The following TSHZ2 variants were observed in gnomAD, a reference collection of about 807,000 sequenced individuals.
The protein encoded by TSHZ2 is teashirt homolog 2.
Under a neutral mutation model 74.4 loss-of-function variants are expected in TSHZ2, and 21 were observed. The ratio of observed to expected loss-of-function variants is 0.28; its 90% CI spans 0.20 to 0.41. The LOEUF (loss-of-function observed/expected upper bound fraction) is 0.41, where lower values mean the gene tolerates loss of function less well. TSHZ2 is among the 10% of genes least tolerant of loss of function. The probability of loss-of-function intolerance (pLI) is 1.00; values close to 1 mark genes in which losing one functional copy is unlikely to be tolerated. For synonymous variants in TSHZ2, 540 were observed against 515.3 expected, an observed-to-expected ratio of 1.05 and a Z score of -0.65; for missense variants, 1,244 against 1,293.5, an observed-to-expected ratio of 0.96 and a Z score of 0.59.
At chr20:53,148,322 G>A (rs988344723) in intron 1 of TSHZ2, among the ~76,000 whole-genome samples, 1 of 152,090 alleles carries the variant, frequency 6.6e-6, no homozygotes, top group East Asian at 1.9e-4. Context: ...ACTAGGGTGG[G>A]GAAGCTGTTA....
At chr20:53,372,662 C>T (rs1176681918) in intron 2 of TSHZ2, among the ~76,000 whole-genome samples, 1 of 152,200 alleles carries the variant, frequency 6.6e-6, no homozygotes, top group Non-Finnish European at 1.5e-5. Flanking sequence ...CCTTTCCATT[C>T]AGCCATTTTC....
chr20:53,373,982 A>G (rs1394337344), intron 2 of TSHZ2, among the ~76,000 whole-genome samples: 2 of 152,186 alleles, frequency 1.3e-5, no homozygotes, highest in African/African-American at 4.8e-5. Flanking sequence ...ACAAAAACCT[A>G]TTTATTTTAA....
intron 2 of TSHZ2, among the ~76,000 whole-genome samples, chr20:53,306,621 C>T (rs1286121873): frequency 5.3e-5 from 8 of 152,252 alleles, no homozygotes; most frequent in South Asian, 2.1e-4. Context: ...AATGATTTGC[C>T]GACATGGGGA....
chr20:53,029,119 G>T (rs1983547724), intron 1 of TSHZ2, among the ~76,000 whole-genome samples: 2 of 152,244 alleles, frequency 1.3e-5, no homozygotes, highest in South Asian at 4.2e-4. Context: ...ATAGAACATT[G>T]TAAGTATTGT....
intron 1 of TSHZ2, among the ~76,000 whole-genome samples, chr20:52,993,723 A>T (rs1437637567): frequency 1.3e-5 from 2 of 152,242 alleles, no homozygotes; most frequent in African/African-American, 4.8e-5. Flanking sequence ...TATTGAAAGA[A>T]AAAAATAATA....
At position 53,255,368 on chromosome 20, in the gene TSHZ2, G is replaced by A. The variant is rs1246360309; in HGVS notation, c.1910G>A (p.Ser637Asn). Residue 637 changes from serine (S) to asparagine (N), a missense_variant, in exon 2 of 3, where the codon AGT becomes AAT. Ser to Asn is a conservative substitution (Grantham distance 46, BLOSUM62 1). This residue lies in a region of TSHZ2 where 562 missense variants were observed against 544.0 expected (regional missense o/e 1.03). Transcript: ENST00000371497. This position sits in a 1 kb window ranked among gnomAD's most constrained non-coding sequence, Gnocchi z 4.1. ...SHSEGDSFRK[S>N]ETPPEAKKTE... ...AGTGAGGGCGATTCTTTCCGCAAAA[G>A]TGAAACACCTCCAGAAGCCAAAAAG... is the stretch of plus-strand genomic sequence containing the variant. 4.3e-6 allele frequency: 7 copies of A among 1,613,960 alleles called. No individual in the cohort carries two copies. Among genetic ancestry groups the A allele is most frequent in the Non-Finnish European group, 4.2e-6 (5 of 1,180,014 alleles).
intron 1 of TSHZ2, among the ~76,000 whole-genome samples, chr20:53,145,761 C>T (rs190564271): frequency 6.6e-6 from 1 of 152,160 alleles, no homozygotes; most frequent in Non-Finnish European, 1.5e-5. Flanking sequence ...TGCCCTTAAC[C>T]AGAGAAGCAC....
At chr20:53,213,977 T>C (rs566676933) in intron 1 of TSHZ2, among the ~76,000 whole-genome samples, 6 of 152,150 alleles carry the variant, frequency 3.9e-5, no homozygotes, top group Non-Finnish European at 5.9e-5. Flanking sequence ...TACAATATAG[T>C]AGTAGGTGCT....
At chr20:53,361,366 A>G (rs919428462) in intron 2 of TSHZ2, among the ~76,000 whole-genome samples, 15 of 152,228 alleles carry the variant, frequency 9.9e-5, no homozygotes, top group Admixed American at 5.2e-4. Flanking sequence ...GTGATAAATG[A>G]TAGCTCCTCT....
chr20:53,160,521 C>T (rs1987904679), intron 1 of TSHZ2, among the ~76,000 whole-genome samples: 3 of 152,042 alleles, frequency 2.0e-5, no homozygotes, highest in Non-Finnish European at 4.4e-5. Flanking sequence ...GTAATTCCAG[C>T]ACTTTGGGAG....
At chr20:53,111,945 G>T (rs939389607) in intron 1 of TSHZ2, among the ~76,000 whole-genome samples, 13 of 152,130 alleles carry the variant, frequency 8.5e-5, no homozygotes, top group Admixed American at 3.3e-4. Context: ...ACCATGCCTT[G>T]GTGCTGCCAC....
At chr20:53,221,268 A>G (rs1212020321) in intron 1 of TSHZ2, among the ~76,000 whole-genome samples, 3 of 152,148 alleles carry the variant, frequency 2.0e-5, no homozygotes, top group East Asian at 1.9e-4. Flanking sequence ...TCCTTCCTTT[A>G]TAAATTACCC....
At chr20:53,188,535 T>C (rs535589977) in intron 1 of TSHZ2, among the ~76,000 whole-genome samples, 3 of 152,180 alleles carry the variant, frequency 2.0e-5, no homozygotes, top group Non-Finnish European at 2.9e-5. Flanking sequence ...ATTAATGAAA[T>C]GCACTTGCTA....
intron 2 of TSHZ2, among the ~76,000 whole-genome samples, chr20:53,439,663 C>T (rs771553413): frequency 1.3e-5 from 2 of 152,046 alleles, no homozygotes; most frequent in Non-Finnish European, 2.9e-5. Flanking sequence ...TCTAATTATA[C>T]GTGCAAGATC....
intron 1 of TSHZ2, among the ~76,000 whole-genome samples, chr20:53,111,503 A>G (rs1568764451): frequency 6.6e-6 from 1 of 152,184 alleles, no homozygotes; most frequent in African/African-American, 2.4e-5. Flanking sequence ...TGACAGAGAG[A>G]AAGAAGATAT....
intron 1 of TSHZ2, among the ~76,000 whole-genome samples, chr20:53,125,994 G>T (rs1445930537): frequency 6.6e-6 from 1 of 151,500 alleles, no homozygotes; most frequent in African/African-American, 2.5e-5. Flanking sequence ...CTTAAAAGTT[G>T]GTAAAAATAA....
chr20:53,127,079 A>T (rs1986968203), intron 1 of TSHZ2, among the ~76,000 whole-genome samples: 1 of 152,178 alleles, frequency 6.6e-6, no homozygotes, highest in African/African-American at 2.4e-5. Context: ...GAGAAGAGAG[A>T]GCGAATGAAT....
At chr20:53,167,044 A>C (rs1054970594) in intron 1 of TSHZ2, among the ~76,000 whole-genome samples, 3 of 152,218 alleles carry the variant, frequency 2.0e-5, no homozygotes, top group African/African-American at 7.2e-5. Context: ...CCCAGTCATG[A>C]CAAAAATCTG....
intron 2 of TSHZ2, among the ~76,000 whole-genome samples, chr20:53,275,057 T>A (rs1396980138): frequency 6.6e-6 from 1 of 152,190 alleles, no homozygotes; most frequent in Non-Finnish European, 1.5e-5. Context: ...ATTGGAAAGG[T>A]CTGTGTCAGG....
Sources: gnomAD v4.1 joint callset for allele counts (sites outside exome capture counted in the v4.1 genomes callset) on GRCh38, gnomAD v4.1.1 for gene constraint, gnomAD v4.1.1 regional missense constraint, Gnocchi (gnomAD v3.1) non-coding constraint, MANE v1.5 for transcripts, NCBI Gene and HGNC (gene_info 2026-07-23, HGNC 2026-07-21) for gene names.